The following RTCA variants were observed in gnomAD, a reference collection of about 807,000 sequenced individuals.
The protein encoded by RTCA is RNA terminal phosphate cyclase domain 1.
RTCA carries 37 observed loss-of-function variants against 46.1 expected under a neutral mutation model. The ratio of observed to expected loss-of-function variants is 0.80; its 90% CI spans 0.62 to 1.06. The LOEUF (loss-of-function observed/expected upper bound fraction) is 1.06, where lower values mean the gene tolerates loss of function less well. Among genes scored for constraint, RTCA ranks in the 50% least tolerant of loss-of-function variants. The pLI is 0.00. For missense variants in RTCA, 435 were observed against 455.5 expected (o/e 0.95, Z 0.41); for synonymous variants, 164 against 158.3 (o/e 1.04, Z -0.27).
At chr1:100,276,979 C>G (rs955733834) in intron 7 of RTCA, among the ~76,000 whole-genome samples, 1 of 152,298 alleles carries the variant, frequency 6.6e-6, no homozygotes, top group Non-Finnish European at 1.5e-5. Context: ...CCACTTAGTG[C>G]TAATGACATG....
At chr1:100,271,122 T>G (rs1666070090) in intron 4 of RTCA, among the ~76,000 whole-genome samples, 1 of 151,580 alleles carries the variant, frequency 6.6e-6, no homozygotes, top group African/African-American at 2.4e-5. Flanking sequence ...TATCTTGGAA[T>G]AGTGTTTATA....
Position 100,270,618 on chromosome 1 carries a change from G to A in RTCA, c.352G>A (p.Glu118Lys), listed in dbSNP as rs1161313863. ...PCVLFAASPS[E>K]LHLKGGTNAE... ...TGTTCTCTTTGCTGCTTCTCCATCA[G>A]AACTTCATTTGAAAGGTGGAACTAA... Residue 118 changes from glutamate (E) to lysine (K), a missense_variant, in exon 4 of 11, where the codon GAA becomes AAA. Transcript: ENST00000370128. 6.2e-7 allele frequency: 1 copy of A among 1,614,092 alleles called. No individual in the cohort carries two copies. The highest frequency in any genetic ancestry group is 1.3e-5 in the African/African-American group (1 of 75,024).
intron 6 of RTCA, among the ~76,000 whole-genome samples, chr1:100,275,183 C>T (rs189391432): frequency 3.9e-4 from 60 of 152,184 alleles, no homozygotes; most frequent in Middle Eastern, 3.4e-3. Context: ...GTGGAAGCTA[C>T]GCATTGAATA....
intron 2 of RTCA, chr1:100,267,681 A>G: frequency 1.2e-6 from 1 of 809,556 alleles, no homozygotes; most frequent in African/African-American, 1.7e-5. Flanking sequence ...GACACCAGTA[A>G]GATTGTATGG....
rs1667362082 is a variant in RTCA, at chr1:100,291,710, G to A, written c.*206G>A. The A allele has an allele frequency of 2.9e-6, 1 of 342,974 alleles. No homozygotes were observed. Among genetic ancestry groups the A allele is most frequent in the Non-Finnish European group, 5.2e-6 (1 of 190,604 alleles). 21.2% of individuals were successfully genotyped at this position (342,974 alleles called of 1,614,324 possible). Reference sequence around the variant, plus strand: ...GATGGACAATGAAATATCAGTTGGTGGATATGTGTGATAGCTGATTTCAAT... The same window carrying A: ...GATGGACAATGAAATATCAGTTGGTAGATATGTGTGATAGCTGATTTCAAT... On this transcript the variant is annotated 3_prime_UTR_variant, in exon 11 of 11. Coordinates refer to ENST00000370128, the MANE Select transcript of RTCA (RefSeq NM_003729.4).
chr1:100,284,197 A>G (rs1039625212), intron 8 of RTCA, among the ~76,000 whole-genome samples: 1 of 152,030 alleles, frequency 6.6e-6, no homozygotes, highest in Non-Finnish European at 1.5e-5. Flanking sequence ...CTTTGTATTC[A>G]GTGTTGTACC....
At chr1:100,269,594 A>G (rs1026774952) in intron 3 of RTCA, among the ~76,000 whole-genome samples, 3 of 152,106 alleles carry the variant, frequency 2.0e-5, no homozygotes, top group African/African-American at 7.2e-5. Context: ...TCTGTCTCCC[A>G]AAGTGCTGGG....
intron 8 of RTCA, among the ~76,000 whole-genome samples, chr1:100,283,225 C>T (rs1460081223): frequency 7.2e-6 from 1 of 139,562 alleles, no homozygotes; most frequent in East Asian, 2.1e-4. Context: ...GGCTGGAGTG[C>T]AGTGGCACGA....
At chr1:100,291,355 T>C (rs764184192) in intron 10 of RTCA, 48 bp from the exon 11 acceptor site, 26 of 1,252,292 alleles carry the variant, frequency 2.1e-5, no homozygotes, top group Non-Finnish European at 2.8e-5. Context: ...GTGGGCTCTT[T>C]CCTCCATCTC....
intron 9 of RTCA, among the ~76,000 whole-genome samples, chr1:100,285,617 C>T (rs571593738): frequency 6.6e-6 from 1 of 152,040 alleles, no homozygotes; most frequent in African/African-American, 2.4e-5. Flanking sequence ...GTCTCCTTTG[C>T]TAGTTTATTA....
chr1:100,290,908 C>T (rs951013170), intron 10 of RTCA, among the ~76,000 whole-genome samples: 1 of 152,192 alleles, frequency 6.6e-6, no homozygotes, highest in African/African-American at 2.4e-5. Context: ...CACCACCCCT[C>T]CTCCCCACAT....
At chr1:100,274,081 G>A (rs1426674654) in intron 5 of RTCA, among the ~76,000 whole-genome samples, 1 of 152,026 alleles carries the variant, frequency 6.6e-6, no homozygotes, top group Non-Finnish European at 1.5e-5. Flanking sequence ...TCTCCCAAAA[G>A]TTAGAAATCC....
intron 7 of RTCA, 106 bp from the exon 8 acceptor site, chr1:100,277,152 C>A (rs1384761591): frequency 9.5e-6 from 10 of 1,047,974 alleles, no homozygotes; most frequent in African/African-American, 1.6e-5. Flanking sequence ...AATTTGTTGC[C>A]CAGATTTAGT....
At chr1:100,275,433 T>G (rs931637733) in intron 6 of RTCA, among the ~76,000 whole-genome samples, 166 bp from the exon 7 acceptor site, 1 of 152,226 alleles carries the variant, frequency 6.6e-6, no homozygotes, top group Non-Finnish European at 1.5e-5. Flanking sequence ...AAAATAAAAT[T>G]AATTTGCATA....
intron 8 of RTCA, among the ~76,000 whole-genome samples, chr1:100,277,782 CG>C (rs1450979782): frequency 1.3e-5 from 2 of 150,706 alleles, no homozygotes; most frequent in Non-Finnish European, 2.9e-5. Flanking sequence ...TTATTTAGAG[CG>C]ATGTGGAATT....
intron 2 of RTCA, chr1:100,267,666 A>G (rs201637026): frequency 6.2e-6 from 3 of 485,606 alleles, no homozygotes; most frequent in South Asian, 5.6e-5. Flanking sequence ...TTTTTTTTTT[A>G]TAAGGACACC....
Position 100,281,322 on chromosome 1 carries a change from TAGAG to T in RTCA, c.800-3903_800-3900del, listed in dbSNP as rs150968989. On this transcript the variant is annotated intron_variant, in intron 8 of 10. Coordinates refer to ENST00000370128, the MANE Select transcript of RTCA (RefSeq NM_003729.4). ...TTTAGACTGAGGCAGTGTGTTATGA[TAGAG>T]AGCACTAAACAGAGAGTGAGAAGAC... 3,883 of 533,826 alleles carry T rather than the reference TAGAG, an allele frequency of 7.3e-3. 124 individuals carry two copies. Among genetic ancestry groups the T allele is most frequent in the African/African-American group, 0.067 (3,465 of 52,064 alleles). 33.1% of individuals were successfully genotyped at this position (533,826 alleles called of 1,614,324 possible). A position where few individuals can be genotyped will look rare whatever the true frequency, so the allele number is the denominator to read the frequency against.
At position 100,291,553 on chromosome 1, in the gene RTCA, T is replaced by C. The variant is rs779818049; in HGVS notation, c.*49T>C. The C allele has an allele frequency of 4.6e-6, 5 of 1,081,214 alleles. No homozygotes were observed. The South Asian group carries it at 7.1e-5, about 15-fold the overall frequency. The allele number at this position is 1,081,214 out of a possible 1,614,324, so 67.0% of individuals were successfully genotyped here. ...CTCATTGATATATTGCACTATTTCA[T>C]AAATACTATAAAATAATGACTAGGA... On this transcript the variant is annotated 3_prime_UTR_variant, in exon 11 of 11. Transcript: ENST00000370128.
chr1:100,291,431 A>T lies in RTCA; in HGVS notation c.1028A>T (p.Asp343Val). The change falls in exon 11 of 11, where the codon GAT (aspartate) becomes GTT (valine). Residue 343 changes from aspartate (D) to valine (V), a missense_variant. Physicochemically the swap from Asp to Val is radical, Grantham distance 152 (BLOSUM62 -3). Coordinates refer to ENST00000370128, the MANE Select transcript of RTCA (RefSeq NM_003729.4). Reference sequence around the variant, plus strand: ...AAATTTATTGTGAAGAAATCAGAAGATGAAGAAGACGCCGCTAAAGATACT... The same window carrying T: ...AAATTTATTGTGAAGAAATCAGAAGTTGAAGAAGACGCCGCTAAAGATACT... ...KAKFIVKKSE[D>V]EEDAAKDTYI... 6.2e-7 allele frequency: 1 copy of T among 1,612,136 alleles called. No individual in the cohort carries two copies. Among genetic ancestry groups the T allele is most frequent in the Non-Finnish European group, 8.5e-7 (1 of 1,179,036 alleles).
Sources: allele counts gnomAD v4.1 joint callset (sites outside exome capture counted in the v4.1 genomes callset), GRCh38; gene constraint gnomAD v4.1.1; transcripts MANE v1.5; gene names NCBI Gene and HGNC (gene_info 2026-07-23, HGNC 2026-07-21).